The following DRC11 variants were observed in gnomAD, a reference collection of about 807,000 sequenced individuals.
The protein encoded by DRC11 is dynein regulatory complex subunit 11.
the DRC11 span, among the ~76,000 whole-genome samples, chr2:236,371,817 C>T: frequency 6.6e-6 from 1 of 152,172 alleles, no homozygotes; most frequent in Non-Finnish European, 1.5e-5. This position sits in a 1 kb window ranked among gnomAD's most constrained non-coding sequence, Gnocchi z 5.1. Flanking sequence ...ATCCTAGGAT[C>T]CTGCTTCCTT....
chr2:236,351,511 T>C, the DRC11 span, among the ~76,000 whole-genome samples: 1 of 152,150 alleles, frequency 6.6e-6, no homozygotes, highest in Non-Finnish European at 1.5e-5. This position sits in a 1 kb window ranked among gnomAD's most constrained non-coding sequence, Gnocchi z 7.3. Context: ...GTCAGAAAAG[T>C]GCACGGCCAT....
the DRC11 span, among the ~76,000 whole-genome samples, chr2:236,439,984 C>T: frequency 6.6e-6 from 1 of 152,162 alleles, no homozygotes; most frequent in Non-Finnish European, 1.5e-5. Flanking sequence ...AAATATGGTT[C>T]TTGCCCTCAG....
chr2:236,452,534 G>C, the DRC11 span, among the ~76,000 whole-genome samples: 2 of 152,192 alleles, frequency 1.3e-5, no homozygotes, highest in Admixed American at 1.3e-4. The surrounding 1 kb of genome is among the most constrained non-coding windows in gnomAD (Gnocchi z 4.7). Flanking sequence ...GGTGGCAGTT[G>C]CTGCCTATAA....
At chr2:236,415,294 C>CTGGG in the DRC11 span, among the ~76,000 whole-genome samples, 4 of 152,148 alleles carry the variant, frequency 2.6e-5, no homozygotes, top group East Asian at 5.8e-4. This position sits in a 1 kb window ranked among gnomAD's most constrained non-coding sequence, Gnocchi z 5.7. Flanking sequence ...AATCATGCAG[C>CTGGG]TGGGCCCTGT....
At chr2:236,446,984 A>G in the DRC11 span, among the ~76,000 whole-genome samples, 1 of 149,948 alleles carries the variant, frequency 6.7e-6, no homozygotes, top group East Asian at 1.9e-4. The surrounding 1 kb of genome is among the most constrained non-coding windows in gnomAD (Gnocchi z 6.2). Flanking sequence ...TCTGTGCCTC[A>G]TCCCAATCAG....
the DRC11 span, among the ~76,000 whole-genome samples, chr2:236,313,051 C>T: frequency 6.6e-6 from 1 of 152,038 alleles, no homozygotes; most frequent in Non-Finnish European, 1.5e-5. This position sits in a 1 kb window ranked among gnomAD's most constrained non-coding sequence, Gnocchi z 4.5. Context: ...AAAATCCTTT[C>T]TATACAGATG....
the DRC11 span, among the ~76,000 whole-genome samples, chr2:236,356,654 A>G: frequency 9.2e-5 from 14 of 151,936 alleles, no homozygotes; most frequent in East Asian, 2.5e-3. Flanking sequence ...TCATGCAATT[A>G]AAAGAGAAAA....
the DRC11 span, among the ~76,000 whole-genome samples, chr2:236,317,425 T>C: frequency 6.6e-6 from 1 of 152,142 alleles, no homozygotes; most frequent in East Asian, 1.9e-4. This position sits in a 1 kb window ranked among gnomAD's most constrained non-coding sequence, Gnocchi z 5.4. Context: ...TGCAGGAGTC[T>C]CACAAGCTAA....
At chr2:236,453,767 G>A in the DRC11 span, among the ~76,000 whole-genome samples, 1 of 152,024 alleles carries the variant, frequency 6.6e-6, no homozygotes, top group African/African-American at 2.4e-5. The surrounding 1 kb of genome is among the most constrained non-coding windows in gnomAD (Gnocchi z 4.9). Context: ...AGCCTCCTTA[G>A]TAGCTGGGAT....
At chr2:236,433,644 C>A in the DRC11 span, among the ~76,000 whole-genome samples, 1 of 152,104 alleles carries the variant, frequency 6.6e-6, no homozygotes, top group East Asian at 1.9e-4. Flanking sequence ...TTAGTTTATT[C>A]TCTTTGCTTT....
At chr2:236,388,229 T>G in the DRC11 span, among the ~76,000 whole-genome samples, 1 of 151,984 alleles carries the variant, frequency 6.6e-6, no homozygotes, top group East Asian at 1.9e-4. Flanking sequence ...ATTGGGGAAG[T>G]TCTCCTGGAT....
At chr2:236,389,919 T>TGGAGAATGTTCCATGCATACTCGA in the DRC11 span, among the ~76,000 whole-genome samples, 1 of 152,214 alleles carries the variant, frequency 6.6e-6, no homozygotes, top group African/African-American at 2.4e-5. Context: ...TGATATATCC[T>TGGAGAATGTTCCATGCATACTCGA]GGAGAATGTT....
At chr2:236,498,120 T>A in the DRC11 span, among the ~76,000 whole-genome samples, 13 of 152,138 alleles carry the variant, frequency 8.5e-5, no homozygotes, top group Non-Finnish European at 1.8e-4. Flanking sequence ...AGGCAACCAC[T>A]AAGAATCTTA....
At chr2:236,386,517 A>G in the DRC11 span, among the ~76,000 whole-genome samples, 1 of 151,864 alleles carries the variant, frequency 6.6e-6, no homozygotes, top group Non-Finnish European at 1.5e-5. Flanking sequence ...TATCCCCTTT[A>G]TCATTTTTTA....
At chr2:236,457,278 G>C in the DRC11 span, among the ~76,000 whole-genome samples, 2 of 152,168 alleles carry the variant, frequency 1.3e-5, no homozygotes, top group African/African-American at 4.8e-5. The surrounding 1 kb of genome is among the most constrained non-coding windows in gnomAD (Gnocchi z 4.7). Context: ...TAAAAATTCA[G>C]ATCCTCAGTC....
chr2:236,468,248 A>C, the DRC11 span, among the ~76,000 whole-genome samples: 1 of 152,032 alleles, frequency 6.6e-6, no homozygotes, highest in African/African-American at 2.4e-5. Flanking sequence ...ACACCACCAC[A>C]CCTGGGTAAT....
the DRC11 span, among the ~76,000 whole-genome samples, chr2:236,325,690 C>T: frequency 1.3e-5 from 2 of 151,938 alleles, no homozygotes; most frequent in African/African-American, 4.8e-5. This position sits in a 1 kb window ranked among gnomAD's most constrained non-coding sequence, Gnocchi z 4.4. Context: ...GCAACCTCTA[C>T]CTCCTGGATT....
the DRC11 span, among the ~76,000 whole-genome samples, chr2:236,459,600 C>T: frequency 2.0e-3 from 207 of 102,542 alleles, no homozygotes; most frequent in South Asian, 4.1e-3. Flanking sequence ...TATACGTATA[C>T]ATATATACGT....
chr2:236,494,669 GGT>G, the DRC11 span, among the ~76,000 whole-genome samples: 1 of 152,140 alleles, frequency 6.6e-6, no homozygotes, highest in African/African-American at 2.4e-5. The surrounding 1 kb of genome is among the most constrained non-coding windows in gnomAD (Gnocchi z 4.2). Flanking sequence ...TCCAATTCTA[GGT>G]GTGACTCCCC....
Sources: allele counts gnomAD v4.1 joint callset (sites outside exome capture counted in the v4.1 genomes callset), GRCh38; gene constraint gnomAD v4.1.1; non-coding constraint Gnocchi (gnomAD v3.1); transcripts MANE v1.5; gene names NCBI Gene and HGNC (gene_info 2026-07-23, HGNC 2026-07-21).